ASTN2: variants seen among roughly 807,000 people sequenced by gnomAD.
ASTN2 encodes the protein astrotactin 2.
A neutral mutation model predicts 139.8 loss-of-function variants in ASTN2; 54 were observed. That is an observed-to-expected ratio of 0.39 (90% CI 0.31 to 0.48). The LOEUF (loss-of-function observed/expected upper bound fraction) is 0.48. Ranked by LOEUF, ASTN2 falls within the 20% of genes least tolerant of loss-of-function variation. The probability of loss-of-function intolerance (pLI) is 0.95; values close to 1 mark genes in which losing one functional copy is unlikely to be tolerated. For synonymous variants in ASTN2, 756 were observed against 719.5 expected (o/e 1.05, Z -0.81); for missense variants, 1,565 against 1,725.1 (o/e 0.91, Z 1.64).
chr9:116,997,511 T>C (rs868123647), intron 7 of ASTN2, among the ~76,000 whole-genome samples: 1 of 152,176 alleles, frequency 6.6e-6, no homozygotes, highest in Non-Finnish European at 1.5e-5. Context: ...GTAAATTCTT[T>C]GTCCAAAGGA....
At chr9:116,772,802 C>T (rs1018912906) in intron 13 of ASTN2, among the ~76,000 whole-genome samples, 2 of 151,862 alleles carry the variant, frequency 1.3e-5, no homozygotes, top group Admixed American at 6.6e-5. Flanking sequence ...TCATCAGGAC[C>T]TGATTCCAGT....
At chr9:117,390,603 C>T (rs2130944099) in intron 1 of ASTN2, among the ~76,000 whole-genome samples, 1 of 152,244 alleles carries the variant, frequency 6.6e-6, no homozygotes, top group East Asian at 1.9e-4. Context: ...AGTATGTGGC[C>T]TTTTCAGATT....
chr9:116,622,282 T>C (rs1856199138), intron 17 of ASTN2, among the ~76,000 whole-genome samples: 1 of 152,198 alleles, frequency 6.6e-6, no homozygotes, highest in Non-Finnish European at 1.5e-5. Context: ...TCCTGGAAGT[T>C]GACAAAAAGT....
chr9:117,260,841 C>T (rs1332889216), intron 2 of ASTN2, among the ~76,000 whole-genome samples: 5 of 152,126 alleles, frequency 3.3e-5, no homozygotes, highest in Non-Finnish European at 5.9e-5. Flanking sequence ...TGAAGCTAGG[C>T]ACAGACACAT....
chr9:117,158,698 C>A (rs1294695909), intron 3 of ASTN2, among the ~76,000 whole-genome samples: 2 of 151,972 alleles, frequency 1.3e-5, no homozygotes, highest in Non-Finnish European at 2.9e-5. Context: ...AGGCAGATAG[C>A]CAGGAAGAAC....
At chr9:116,523,163 T>C (rs902792039) in intron 19 of ASTN2, among the ~76,000 whole-genome samples, 2 of 152,010 alleles carry the variant, frequency 1.3e-5, no homozygotes, top group Admixed American at 6.6e-5. Flanking sequence ...CAAGAGAGCA[T>C]GCCTTTCTCA....
At chr9:116,859,280 G>C (rs1181893437) in intron 11 of ASTN2, among the ~76,000 whole-genome samples, 1 of 152,180 alleles carries the variant, frequency 6.6e-6, no homozygotes, top group Non-Finnish European at 1.5e-5. Context: ...TTAGGATGTG[G>C]ACATCTTTGC....
chr9:117,310,255 A>G (rs941035788), intron 1 of ASTN2, among the ~76,000 whole-genome samples: 11 of 152,180 alleles, frequency 7.2e-5, no homozygotes, highest in Non-Finnish European at 1.6e-4. Flanking sequence ...TGCTAATCCT[A>G]TAGCCCCAGG....
chr9:116,531,967 T>G (rs549763672), intron 19 of ASTN2, among the ~76,000 whole-genome samples: 1 of 152,318 alleles, frequency 6.6e-6, no homozygotes, highest in East Asian at 1.9e-4. Flanking sequence ...GTTCAACTAG[T>G]TTACTGTCCC....
At chr9:117,006,740 C>A in intron 7 of ASTN2, among the ~76,000 whole-genome samples, 1 of 152,036 alleles carries the variant, frequency 6.6e-6, no homozygotes, top group East Asian at 1.9e-4. Flanking sequence ...CCACCATGCC[C>A]CCAAACTTCT....
chr9:117,275,185 CA>C (rs1350815596), intron 2 of ASTN2, among the ~76,000 whole-genome samples: 1 of 152,194 alleles, frequency 6.6e-6, no homozygotes, highest in Non-Finnish European at 1.5e-5. Flanking sequence ...TTTTTTCTAT[CA>C]ACAGTGTTTT....
intron 1 of ASTN2, among the ~76,000 whole-genome samples, chr9:117,386,374 C>T (rs554432689): frequency 1.3e-4 from 20 of 152,216 alleles, no homozygotes; most frequent in African/African-American, 3.6e-4. Flanking sequence ...GGAAGACATG[C>T]GAGTCAGGAA....
rs142676087 is a variant in ASTN2, at chr9:117,199,336, A to C, written c.1015+15022T>G. Among the ~76,000 whole-genome samples the C allele has an allele frequency of 2.1e-3, 323 of 152,276 alleles. 3 individuals carry two copies. Among genetic ancestry groups the C allele is most frequent in the African/African-American group, 7.6e-3 (314 of 41,552 alleles). ...AGGTGTAAGGAAGGGGTCCAGTTTC[A>C]CTTTTCTGCATATGGCTAGCCAGCA... On this transcript the variant is annotated intron_variant, in intron 3 of 22. Coordinates refer to ENST00000313400, the MANE Select transcript of ASTN2 (RefSeq NM_001365068.1).
intron 10 of ASTN2, among the ~76,000 whole-genome samples, chr9:116,968,540 G>A (rs966790929): frequency 6.6e-5 from 10 of 152,116 alleles, no homozygotes; most frequent in African/African-American, 2.2e-4. Flanking sequence ...TCTCTCTGCT[G>A]TCCTTCTCTC....
intron 1 of ASTN2, among the ~76,000 whole-genome samples, chr9:117,382,164 C>T (rs1830290183): frequency 6.6e-6 from 1 of 152,032 alleles, no homozygotes; most frequent in South Asian, 2.1e-4. Context: ...TGGAGGGAGT[C>T]AAGAAAGTGT....
chr9:117,231,501 T>C (rs528885581), intron 2 of ASTN2, among the ~76,000 whole-genome samples: 1 of 152,224 alleles, frequency 6.6e-6, no homozygotes, highest in Non-Finnish European at 1.5e-5. Flanking sequence ...CAAATCTATC[T>C]GATATAATTG....
In ASTN2 at chr9:116,905,469, G is replaced by A. The variant is rs185515883; in HGVS notation, c.1890-41736C>T. On this transcript the variant is annotated intron_variant, in intron 10 of 22. Transcript: ENST00000313400. Reference sequence around the variant, plus strand: ...ATCCTCTTAACCATGCTACCCTTTCGTTAGTATAGAAGGGAGTATTTGGAC... The same window carrying A: ...ATCCTCTTAACCATGCTACCCTTTCATTAGTATAGAAGGGAGTATTTGGAC... Among the ~76,000 whole-genome samples the A allele has an allele frequency of 4.9e-4, 74 of 152,168 alleles. 1 individual carries two copies. The highest frequency in any genetic ancestry group is 1.7e-3 in the African/African-American group (72 of 41,514).
chr9:117,179,600 C>G (rs143125833), intron 3 of ASTN2, among the ~76,000 whole-genome samples: 2 of 152,256 alleles, frequency 1.3e-5, no homozygotes, highest in African/African-American at 2.4e-5. Flanking sequence ...CTTCTTGCAC[C>G]TCTTCCTTGC....
intron 1 of ASTN2, among the ~76,000 whole-genome samples, chr9:117,314,050 C>T (rs1175079730): frequency 1.3e-5 from 2 of 152,142 alleles, no homozygotes; most frequent in Non-Finnish European, 2.9e-5. Flanking sequence ...AAGCTTTTAA[C>T]AGATTTCTAA....
Sources: allele counts gnomAD v4.1 joint callset (sites outside exome capture counted in the v4.1 genomes callset), GRCh38; gene constraint gnomAD v4.1.1; transcripts MANE v1.5; gene names NCBI Gene and HGNC (gene_info 2026-07-23, HGNC 2026-07-21).